The following ZNF503 variants were observed in gnomAD, a reference collection of about 807,000 sequenced individuals.
ZNF503 encodes NocA-like zinc finger 2.
Under a neutral mutation model 34.4 loss-of-function variants are expected in ZNF503, and 15 were observed. The observed-to-expected ratio is 0.44, with a 90% confidence interval of 0.29 to 0.67. The LOEUF is 0.67. Among genes scored for constraint, ZNF503 ranks in the 30% least tolerant of loss-of-function variants. The pLI, the probability that ZNF503 is intolerant of heterozygous loss-of-function variation, is 0.13. For synonymous variants in ZNF503, 580 were observed against 456.8 expected (o/e 1.27, Z -3.44); for missense variants, 1,007 against 926.8 (o/e 1.09, Z -1.12).
chr10:75,396,953 G>A (rs546868240), downstream of ZNF503, among the ~76,000 whole-genome samples: 3 of 152,352 alleles, frequency 2.0e-5, no homozygotes, highest in African/African-American at 7.2e-5. This position sits in a 1 kb window ranked among gnomAD's most constrained non-coding sequence, Gnocchi z 4.4. Context: ...ACAGGGAGCT[G>A]CGCCCGGACC....
chr10:75,312,133 G>A, the ZNF503 span, among the ~76,000 whole-genome samples: 1 of 152,142 alleles, frequency 6.6e-6, no homozygotes, highest in East Asian at 1.9e-4. Context: ...CATCTACCCA[G>A]AAGGTGGAGG....
At chr10:75,297,457 C>T in the ZNF503 span, among the ~76,000 whole-genome samples, 1 of 152,178 alleles carries the variant, frequency 6.6e-6, no homozygotes, top group Non-Finnish European at 1.5e-5. Context: ...AATCCCCTGC[C>T]CTTCTGGAGG....
chr10:75,399,656 G>A lies in ZNF503; in HGVS notation c.1034C>T (p.Pro345Leu), dbSNP rs904705791. ...AGGCAGAGGGAACACTGTCTGGCCC[G>A]GCTTGTAGGGTGACACGGGAGCCAC... The part of the protein sequence containing the change: ...GLVAPVSPYK[P>L]GQTVFPLPPA... The change falls in exon 2 of 2, where the codon CCG becomes CTG. Residue 345 changes from proline (P) to leucine (L), a missense_variant. Pro to Leu is a moderately conservative substitution (Grantham distance 98). Coordinates refer to ENST00000372524, the MANE Select transcript of ZNF503 (RefSeq NM_032772.6). 6.3e-6 allele frequency: 10 copies of A among 1,599,346 alleles called. No homozygotes were observed. The highest frequency in any genetic ancestry group is 4.5e-5 in the East Asian group (2 of 44,856).
the ZNF503 span, among the ~76,000 whole-genome samples, chr10:75,328,052 C>T: frequency 6.6e-6 from 1 of 152,042 alleles, no homozygotes; most frequent in East Asian, 1.9e-4. Context: ...TTCAAGTTGT[C>T]TCTTCACTCT....
At chr10:75,307,418 GA>G in the ZNF503 span, among the ~76,000 whole-genome samples, 1 of 152,344 alleles carries the variant, frequency 6.6e-6, no homozygotes, top group East Asian at 1.9e-4. Context: ...AGCTGCAGAA[GA>G]AAAGTTGGAA....
downstream of ZNF503, among the ~76,000 whole-genome samples, chr10:75,393,722 G>A (rs1350757996): frequency 4.6e-5 from 7 of 152,216 alleles, no homozygotes; most frequent in Non-Finnish European, 1.0e-4. Flanking sequence ...AGCTGGGCAT[G>A]GTGGTGCACG....
At chr10:75,397,540 C>T (rs1327415765), downstream of ZNF503, among the ~76,000 whole-genome samples, 1 of 152,258 alleles carries the variant, frequency 6.6e-6, no homozygotes, top group Non-Finnish European at 1.5e-5. Flanking sequence ...CCCACACCCC[C>T]TTTCACTTTT....
the ZNF503 span, among the ~76,000 whole-genome samples, chr10:75,363,677 C>G: frequency 3.9e-5 from 6 of 152,342 alleles, no homozygotes; most frequent in East Asian, 1.2e-3. Flanking sequence ...AGTGCACAAC[C>G]TGCACAACCA....
chr10:75,300,865 TC>T, the ZNF503 span, among the ~76,000 whole-genome samples: 2 of 151,646 alleles, frequency 1.3e-5, no homozygotes, highest in African/African-American at 4.8e-5. Context: ...GCCACTACTC[TC>T]TGCTAATTTT....
At chr10:75,380,903 T>G in the ZNF503 span, among the ~76,000 whole-genome samples, 1 of 152,188 alleles carries the variant, frequency 6.6e-6, no homozygotes, top group African/African-American at 2.4e-5. Context: ...CATGATCCCC[T>G]TATGGCAGTG....
chr10:75,360,858 T>C, the ZNF503 span: 1 of 152,244 alleles, frequency 6.6e-6, no homozygotes, highest in Admixed American at 6.5e-5. Context: ...AGATCTTAGT[T>C]GTGTTCAACC....
chr10:75,340,566 T>C, the ZNF503 span, among the ~76,000 whole-genome samples: 1 of 152,026 alleles, frequency 6.6e-6, no homozygotes, highest in Admixed American at 6.6e-5. Flanking sequence ...TAGAATACCA[T>C]GCATCTATTG....
At chr10:75,328,332 C>T in the ZNF503 span, among the ~76,000 whole-genome samples, 1 of 152,276 alleles carries the variant, frequency 6.6e-6, no homozygotes. Flanking sequence ...TTTCCTAACA[C>T]CATTTATTGA....
At chr10:75,314,952 A>G in the ZNF503 span, among the ~76,000 whole-genome samples, 2 of 152,274 alleles carry the variant, frequency 1.3e-5, no homozygotes, top group African/African-American at 4.8e-5. Context: ...ACATGAAAGT[A>G]TAAAACTCAC....
chr10:75,386,326 C>T, the ZNF503 span, among the ~76,000 whole-genome samples: 13 of 152,314 alleles, frequency 8.5e-5, no homozygotes, highest in East Asian at 2.3e-3. Context: ...ATCTGGGCCC[C>T]TGAATGACAT....
At chr10:75,291,242 C>T in the ZNF503 span, among the ~76,000 whole-genome samples, 1 of 152,174 alleles carries the variant, frequency 6.6e-6, no homozygotes, top group Non-Finnish European at 1.5e-5. Flanking sequence ...TACAGTTTCT[C>T]AGAATTCCTA....
chr10:75,391,570 A>G, the ZNF503 span, among the ~76,000 whole-genome samples: 14 of 152,318 alleles, frequency 9.2e-5, no homozygotes, highest in African/African-American at 2.9e-4. Flanking sequence ...TGCTATTTCC[A>G]GCTGATGCAT....
At chr10:75,397,491 A>G (rs946789767), downstream of ZNF503, among the ~76,000 whole-genome samples, 1 of 152,242 alleles carries the variant, frequency 6.6e-6, no homozygotes. Flanking sequence ...ATGCCCAAAA[A>G]GCTCAGGAGG....
At position 75,401,267 on chromosome 10, in the gene ZNF503, G is replaced by C. The variant is rs1362430085; in HGVS notation, c.153C>G (p.Gly51=). ...CGGCGTGCACAAAAGGCTTGGTGCT[G>C]CCGGCCGGGGACGAGCCTGGGCCGG... ...SGPGPGSSPA[G]STKPFVHAVP... is the part of the protein sequence containing the mutation. The change falls in exon 1 of 2, where the codon GGC becomes GGG. Residue 51 remains glycine (G), a synonymous_variant. Transcript: ENST00000372524. 6.3e-7 allele frequency: 1 copy of C among 1,594,152 alleles called. No individual in the cohort carries two copies. Among genetic ancestry groups the C allele is most frequent in the Admixed American group, 1.8e-5 (1 of 57,010 alleles).
Sources: gnomAD v4.1 joint callset for allele counts (sites outside exome capture counted in the v4.1 genomes callset) on GRCh38, gnomAD v4.1.1 for gene constraint, Gnocchi (gnomAD v3.1) non-coding constraint, MANE v1.5 for transcripts, NCBI Gene and HGNC (gene_info 2026-07-23, HGNC 2026-07-21) for gene names.